LARGE1: variants seen among roughly 807,000 people sequenced by gnomAD.
The protein encoded by LARGE1 is xylosyl- and glucuronyltransferase LARGE1.
LARGE1 carries 43 observed loss-of-function variants against 87.6 expected under a neutral mutation model. That is an observed-to-expected ratio of 0.49 (90% CI 0.38 to 0.63). LARGE1 has a LOEUF of 0.63. Ranked by LOEUF, LARGE1 falls within the 30% of genes least tolerant of loss-of-function variation. LARGE1 has a pLI of 0.00. For synonymous variants in LARGE1, 434 were observed against 394.6 expected (o/e 1.10, Z -1.18); for missense variants, 802 against 1,000.2 (o/e 0.80, Z 2.67).
chr22:33,095,094 G>A, the LARGE1 span, among the ~76,000 whole-genome samples: 5 of 152,158 alleles, frequency 3.3e-5, no homozygotes, highest in South Asian at 6.2e-4. Context: ...GTATTACAAC[G>A]TTCTGTTCAT....
chr22:33,194,369 A>G (rs1923956171), intron 11 of LARGE1, among the ~76,000 whole-genome samples: 1 of 152,188 alleles, frequency 6.6e-6, no homozygotes, highest in Non-Finnish European at 1.5e-5. Context: ...ATGAACTCTT[A>G]GTCATTCCTC....
At chr22:33,511,943 T>C (rs1316815612) in intron 6 of LARGE1, among the ~76,000 whole-genome samples, 1 of 152,230 alleles carries the variant, frequency 6.6e-6, no homozygotes, top group Non-Finnish European at 1.5e-5. Context: ...CTCTTTATTG[T>C]ACCTGAGGCC....
chr22:33,371,840 C>T (rs1479587377), intron 9 of LARGE1, among the ~76,000 whole-genome samples: 1 of 151,850 alleles, frequency 6.6e-6, no homozygotes, highest in South Asian at 2.1e-4. Flanking sequence ...AAAAATTAGC[C>T]GGGCATGGTG....
intron 11 of LARGE1, among the ~76,000 whole-genome samples, chr22:33,212,116 G>C (rs911754120): frequency 1.3e-5 from 2 of 152,022 alleles, no homozygotes; most frequent in Non-Finnish European, 2.9e-5. Context: ...CTAAAATCAC[G>C]GATGAAGGTG....
intron 6 of LARGE1, among the ~76,000 whole-genome samples, chr22:33,469,401 T>C (rs2068739588): frequency 6.6e-6 from 1 of 152,176 alleles, no homozygotes; most frequent in Non-Finnish European, 1.5e-5. Context: ...TGGAGCTGGA[T>C]GCCATTATCG....
chr22:33,781,996 G>GA (rs1332192059), intron 1 of LARGE1, among the ~76,000 whole-genome samples: 1 of 152,094 alleles, frequency 6.6e-6, no homozygotes, highest in African/African-American at 2.4e-5. Context: ...ATTTAAGCCT[G>GA]AAAGAGAGCT....
chr22:33,268,903 A>G (rs569697844), downstream of LARGE1, among the ~76,000 whole-genome samples: 3 of 152,308 alleles, frequency 2.0e-5, no homozygotes, highest in Non-Finnish European at 4.4e-5. Flanking sequence ...TTTTAGCACT[A>G]CTTGCCATAA....
chr22:33,693,141 C>A (rs1005701597), intron 2 of LARGE1, among the ~76,000 whole-genome samples: 1 of 152,194 alleles, frequency 6.6e-6, no homozygotes, highest in East Asian at 1.9e-4. Context: ...CAAATTGACA[C>A]AAGAACAGAA....
At chr22:33,189,178 G>A (rs1923644907) in intron 11 of LARGE1, among the ~76,000 whole-genome samples, 1 of 152,152 alleles carries the variant, frequency 6.6e-6, no homozygotes, top group South Asian at 2.1e-4. Context: ...CATTTCTACA[G>A]TAGCCGTTGG....
chr22:33,496,456 C>G (rs1439473508), intron 6 of LARGE1, among the ~76,000 whole-genome samples: 1 of 152,118 alleles, frequency 6.6e-6, no homozygotes, highest in Non-Finnish European at 1.5e-5. Flanking sequence ...GCTACCCTGC[C>G]TCTTCTACCA....
intron 11 of LARGE1, among the ~76,000 whole-genome samples, chr22:33,249,006 CTG>C (rs1439019349): frequency 6.6e-6 from 1 of 152,196 alleles, no homozygotes; most frequent in Non-Finnish European, 1.5e-5. Flanking sequence ...TTGAATAAAA[CTG>C]TTATAAACAT....
intron 11 of LARGE1, among the ~76,000 whole-genome samples, chr22:33,306,643 C>T (rs1218944895): frequency 3.9e-5 from 6 of 152,028 alleles, no homozygotes; most frequent in Non-Finnish European, 7.4e-5. Flanking sequence ...GAGGCCAAGG[C>T]GGGCAGATCA....
At chr22:33,748,064 A>C (rs2084164674) in intron 2 of LARGE1, among the ~76,000 whole-genome samples, 1 of 138,662 alleles carries the variant, frequency 7.2e-6, no homozygotes, top group African/African-American at 2.7e-5. Context: ...CCAACTATCC[A>C]TTATCTAAGG....
At chr22:33,074,702 A>C in the LARGE1 span, among the ~76,000 whole-genome samples, 18 of 152,018 alleles carry the variant, frequency 1.2e-4, no homozygotes, top group African/African-American at 4.1e-4. Flanking sequence ...CAAACAAACA[A>C]AAAAGAAAAA....
chr22:33,367,196 T>C (rs1463293060), intron 9 of LARGE1, among the ~76,000 whole-genome samples: 1 of 152,156 alleles, frequency 6.6e-6, no homozygotes, highest in Non-Finnish European at 1.5e-5. Context: ...TTGCTGTATA[T>C]CTAGAACTCA....
At chr22:33,328,607 TAA>T (rs1462701501) in intron 10 of LARGE1, among the ~76,000 whole-genome samples, 13 of 139,706 alleles carry the variant, frequency 9.3e-5, no homozygotes, top group African/African-American at 3.5e-4. Context: ...ATAATAATAA[TAA>T]AATAAAACAA....
intron 7 of LARGE1, among the ~76,000 whole-genome samples, chr22:33,414,522 A>C (rs1417954454): frequency 2.0e-5 from 3 of 152,166 alleles, no homozygotes; most frequent in Non-Finnish European, 2.9e-5. Flanking sequence ...GTAGCTAACA[A>C]AGGGGTTGAC....
At chr22:33,484,770 T>C (rs943095695) in intron 6 of LARGE1, among the ~76,000 whole-genome samples, 2 of 152,194 alleles carry the variant, frequency 1.3e-5, no homozygotes, top group African/African-American at 4.8e-5. Context: ...CCTGTTCAGC[T>C]TCTCTTCCTC....
the LARGE1 span, among the ~76,000 whole-genome samples, chr22:33,083,787 A>G: frequency 1.3e-5 from 2 of 152,222 alleles, no homozygotes; most frequent in African/African-American, 4.8e-5. Context: ...GACTCAGTTC[A>G]ATCAAGCAAT....
Sources: allele counts gnomAD v4.1 joint callset (sites outside exome capture counted in the v4.1 genomes callset), GRCh38; gene constraint gnomAD v4.1.1; transcripts MANE v1.5; gene names NCBI Gene and HGNC (gene_info 2026-07-23, HGNC 2026-07-21).